Variants in XIRP2 observed in about 807,000 individuals in gnomAD.
XIRP2 encodes the protein xin actin binding repeat containing 2.
Under a neutral mutation model 277.0 loss-of-function variants are expected in XIRP2, and 236 were observed. That is an observed-to-expected ratio of 0.85 (90% confidence interval 0.77 to 0.95). The LOEUF is 0.95. Among genes scored for constraint, XIRP2 ranks in the 40% least tolerant of loss-of-function variants. XIRP2 has a pLI of 0.00. For synonymous variants in XIRP2, 1,490 were observed against 1,416.5 expected, an observed-to-expected ratio of 1.05 and a Z score of -1.17; for missense variants, 4,640 against 4,157.5, an observed-to-expected ratio of 1.12 and a Z score of -3.19.
chr2:167,059,271 T>A (rs1689117906), intron 2 of XIRP2, among the ~76,000 whole-genome samples: 2 of 150,892 alleles, frequency 1.3e-5, no homozygotes, highest in South Asian at 4.2e-4. Flanking sequence ...GCGTGGCTAT[T>A]TTTTTATTTT....
Position 167,211,693 on chromosome 2 carries a change from G to A in XIRP2, c.723+798G>A, listed in dbSNP as rs150022841. Among the ~76,000 whole-genome samples the A allele has an allele frequency of 1.6e-3, 246 of 152,118 alleles. 4 individuals carry two copies. The East Asian group carries it at 0.021, about 13-fold the overall frequency. On this transcript the variant is annotated intron_variant, in intron 4 of 10. Coordinates refer to ENST00000409195, the MANE Select transcript of XIRP2 (RefSeq NM_152381.6). ...CAGTATAATTTCTTTGGCTTTTCTC[G>A]TTTCTCTGTATGCACTAAATCCATT...
chr2:166,941,822 G>C (rs879017579), intron 2 of XIRP2, among the ~76,000 whole-genome samples: 3 of 152,116 alleles, frequency 2.0e-5, no homozygotes, highest in Non-Finnish European at 2.9e-5. Context: ...AGACAGTTTT[G>C]TATCTTACTT....
At chr2:166,893,889 G>T (rs909151774) in intron 1 of XIRP2, among the ~76,000 whole-genome samples, 1 of 152,090 alleles carries the variant, frequency 6.6e-6, no homozygotes, top group Non-Finnish European at 1.5e-5. Context: ...CAAGAAACAA[G>T]AGTTATGACT....
chr2:167,201,230 GAAAGA>G (rs1693691081), intron 3 of XIRP2, among the ~76,000 whole-genome samples: 1 of 102,638 alleles, frequency 9.7e-6, no homozygotes. Flanking sequence ...AAGAAAGAAA[GAAAGA>G]AAGAAAGAAA....
chr2:167,210,839 A>T lies in XIRP2; in HGVS notation c.667A>T (p.Met223Leu), dbSNP rs1162532457. Residue 223 changes from methionine to leucine, a missense_variant, in exon 4 of 11, where the codon ATG becomes TTG. Physicochemically the swap from Met to Leu is conservative, Grantham distance 15. Transcript: ENST00000409195. ...CGAAGTGGTCTCCCTGAAGGAGCGG[A>T]TGGCGAGGTACCAGGCAGCTGTTTC... ...LHEVVSLKERMARYQAAVSRG... is the reference protein window; with the variant it reads ...LHEVVSLKERLARYQAAVSRG... 6.2e-7 allele frequency: 1 copy of T among 1,614,046 alleles called. No homozygotes were observed. Among genetic ancestry groups the T allele is most frequent in the East Asian group, 2.2e-5 (1 of 44,870 alleles).
At chr2:167,124,509 A>G (rs892441940) in intron 2 of XIRP2, 4 of 152,174 alleles carry the variant, frequency 2.6e-5, no homozygotes, top group African/African-American at 9.6e-5. Flanking sequence ...TCCATTTGAC[A>G]AACATTTAGT....
intron 3 of XIRP2, among the ~76,000 whole-genome samples, chr2:167,136,379 AGGAAAACATACTTGTCTTTCTGTCTGT>A (rs1386058658): frequency 5.3e-5 from 8 of 152,246 alleles, no homozygotes; most frequent in African/African-American, 1.4e-4. Context: ...TGAAAATAAA[AGGAAAACATACTTGTCTTTCTGTCTGT>A]GGGTAACAAA....
At chr2:167,084,119 A>C (rs1388039830) in intron 2 of XIRP2, among the ~76,000 whole-genome samples, 1 of 152,196 alleles carries the variant, frequency 6.6e-6, no homozygotes. Context: ...CATCCCATCA[A>C]TACCTAATTT....
intron 3 of XIRP2, among the ~76,000 whole-genome samples, chr2:167,201,244 A>AGGG (rs1559018317): frequency 1.1e-5 from 1 of 90,796 alleles, no homozygotes; most frequent in African/African-American, 6.8e-5. Context: ...GAAAGAAAGA[A>AGGG]AGAAAGAAAG....
At chr2:167,096,085 C>CT (rs35975959) in intron 2 of XIRP2, among the ~76,000 whole-genome samples, 16 of 149,458 alleles carry the variant, frequency 1.1e-4, no homozygotes, top group Admixed American at 2.7e-4. Flanking sequence ...GGAAGTCCCT[C>CT]TTTTTTTTTA....
At chr2:167,018,515 A>C (rs893700846) in intron 2 of XIRP2, among the ~76,000 whole-genome samples, 7 of 152,068 alleles carry the variant, frequency 4.6e-5, no homozygotes, top group African/African-American at 1.4e-4. Context: ...AAAGGGGACA[A>C]GAAGACCACC....
chr2:167,060,325 C>A (rs1574215104), intron 2 of XIRP2, among the ~76,000 whole-genome samples: 2 of 152,066 alleles, frequency 1.3e-5, no homozygotes, highest in Admixed American at 6.5e-5. Context: ...ATCTCTATTA[C>A]CCCCTTCTTA....
At chr2:167,078,323 A>G (rs760679130) in intron 2 of XIRP2, among the ~76,000 whole-genome samples, 5 of 152,138 alleles carry the variant, frequency 3.3e-5, no homozygotes. Flanking sequence ...TTGTACATTG[A>G]TACTGTGTCC....
chr2:166,995,039 G>A (rs1217907866), intron 2 of XIRP2, among the ~76,000 whole-genome samples: 3 of 151,658 alleles, frequency 2.0e-5, no homozygotes, highest in Non-Finnish European at 4.4e-5. Flanking sequence ...GCACCACCTC[G>A]CCCAGCTAAT....
At chr2:167,126,785 G>A (rs1426109591) in intron 2 of XIRP2, among the ~76,000 whole-genome samples, 1 of 152,082 alleles carries the variant, frequency 6.6e-6, no homozygotes, top group African/African-American at 2.4e-5. Flanking sequence ...CTCATCTCCT[G>A]TGCCTGTGCC....
At chr2:167,064,207 A>G (rs1191973641) in intron 2 of XIRP2, among the ~76,000 whole-genome samples, 1 of 151,700 alleles carries the variant, frequency 6.6e-6, no homozygotes, top group Non-Finnish European at 1.5e-5. Flanking sequence ...CATACCCATC[A>G]CCTCATACTT....
At chr2:167,155,026 C>G (rs1180867115) in intron 3 of XIRP2, among the ~76,000 whole-genome samples, 1 of 151,742 alleles carries the variant, frequency 6.6e-6, no homozygotes, top group Non-Finnish European at 1.5e-5. Context: ...AACACATACA[C>G]CCTCCCAAGA....
chr2:167,085,940 A>C (rs1166914770), intron 2 of XIRP2, among the ~76,000 whole-genome samples: 1 of 152,044 alleles, frequency 6.6e-6, no homozygotes, highest in Non-Finnish European at 1.5e-5. Flanking sequence ...TAGCCCATTT[A>C]CATTTAAAGT....
chr2:167,116,467 T>G (rs1049561364), intron 2 of XIRP2, among the ~76,000 whole-genome samples: 1 of 152,192 alleles, frequency 6.6e-6, no homozygotes, highest in African/African-American at 2.4e-5. Context: ...CTACTTTCTT[T>G]TGATAAAAGT....
Sources: gnomAD v4.1 joint callset for allele counts (sites outside exome capture counted in the v4.1 genomes callset) on GRCh38, gnomAD v4.1.1 for gene constraint, MANE v1.5 for transcripts, NCBI Gene and HGNC (gene_info 2026-07-23, HGNC 2026-07-21) for gene names.